Variants in PPFIBP1 observed in about 807,000 individuals in gnomAD.
PPFIBP1 encodes the protein PPFIB scaffold protein 1, also known as liprin-beta-1.
A neutral mutation model predicts 137.8 loss-of-function variants in PPFIBP1; 112 were observed. The ratio of observed to expected loss-of-function variants is 0.81; its 90% confidence interval spans 0.70 to 0.95. The LOEUF is 0.95. PPFIBP1 is among the 40% of genes least tolerant of loss of function. The pLI, the probability that PPFIBP1 is intolerant of heterozygous loss-of-function variation, is 0.00. For missense variants in PPFIBP1, 1,083 were observed against 1,196.6 expected (o/e 0.91, Z 1.40); for synonymous variants, 378 against 417.3 (o/e 0.91, Z 1.15).
intron 1 of PPFIBP1, among the ~76,000 whole-genome samples, chr12:27,552,259 G>A (rs540020397): frequency 6.6e-4 from 101 of 152,274 alleles, no homozygotes; most frequent in African/African-American, 2.4e-3. Context: ...AATGTATTGC[G>A]GGCATTTCTC....
intron 24 of PPFIBP1, among the ~76,000 whole-genome samples, chr12:27,683,676 T>C (rs1486243376): frequency 6.6e-6 from 1 of 152,252 alleles, no homozygotes; most frequent in Non-Finnish European, 1.5e-5. Flanking sequence ...ATTCCCTGCT[T>C]TACAGCAGTG....
chr12:27,614,633 G>A (rs755297335), intron 2 of PPFIBP1, among the ~76,000 whole-genome samples: 11 of 152,024 alleles, frequency 7.2e-5, no homozygotes, highest in Non-Finnish European at 1.3e-4. Context: ...AGAGAGAGCC[G>A]GTCTGCAGAT....
chr12:27,560,217 A>G (rs2049047216), intron 1 of PPFIBP1, among the ~76,000 whole-genome samples: 1 of 152,210 alleles, frequency 6.6e-6, no homozygotes, highest in South Asian at 2.1e-4. Flanking sequence ...AATTCAAATT[A>G]TTGGCTGGCT....
chr12:27,576,501 C>T (rs1203415090), intron 1 of PPFIBP1, among the ~76,000 whole-genome samples: 2 of 152,152 alleles, frequency 1.3e-5, no homozygotes, highest in African/African-American at 4.8e-5. Context: ...GTGTAGGTGC[C>T]CTTCCTTCTG....
chr12:27,549,761 A>G (rs2136173152), intron 1 of PPFIBP1, among the ~76,000 whole-genome samples: 1 of 152,264 alleles, frequency 6.6e-6, no homozygotes, highest in African/African-American at 2.4e-5. Flanking sequence ...TTGGAAAGCT[A>G]CTGAACCACT....
At chr12:27,531,898 T>G (rs1051047325) in intron 1 of PPFIBP1, among the ~76,000 whole-genome samples, 3 of 152,182 alleles carry the variant, frequency 2.0e-5, no homozygotes, top group African/African-American at 4.8e-5. Flanking sequence ...TATAAAAATT[T>G]TATTAACTAT....
intron 2 of PPFIBP1, among the ~76,000 whole-genome samples, chr12:27,607,450 A>G (rs1005099869): frequency 2.0e-5 from 3 of 152,242 alleles, no homozygotes; most frequent in Non-Finnish European, 4.4e-5. Context: ...ATTAAGAAGC[A>G]GATGTGAAAG....
chr12:27,645,530 T>C (rs74074057), intron 4 of PPFIBP1, among the ~76,000 whole-genome samples: 2,929 of 151,606 alleles, frequency 0.019, 95 homozygotes, highest in East Asian at 0.12. Flanking sequence ...GCTGGGGAGG[T>C]TACCAAACGA....
At chr12:27,573,973 C>T (rs1176932468) in intron 1 of PPFIBP1, among the ~76,000 whole-genome samples, 1 of 126,712 alleles carries the variant, frequency 7.9e-6, no homozygotes, top group Admixed American at 8.7e-5. Flanking sequence ...CAAAGTGAGA[C>T]CCTGTCTCTT....
At chr12:27,612,858 A>G (rs1205667239) in intron 2 of PPFIBP1, among the ~76,000 whole-genome samples, 2 of 152,170 alleles carry the variant, frequency 1.3e-5, no homozygotes, top group Non-Finnish European at 2.9e-5. Context: ...ATTCCAAAAT[A>G]TAAGTAATCT....
chr12:27,541,603 G>A (rs365439), intron 1 of PPFIBP1, among the ~76,000 whole-genome samples: 2,493 of 152,238 alleles, frequency 0.016, 70 homozygotes, highest in African/African-American at 0.056. Context: ...GAGTCCTGTG[G>A]GAGGACTCAT....
intron 1 of PPFIBP1, among the ~76,000 whole-genome samples, chr12:27,572,800 A>G (rs2050248838): frequency 6.6e-6 from 1 of 152,228 alleles, no homozygotes; most frequent in Non-Finnish European, 1.5e-5. Flanking sequence ...CATGAATCCC[A>G]AGCCCTCATC....
At chr12:27,576,095 G>T (rs1326207060) in intron 1 of PPFIBP1, among the ~76,000 whole-genome samples, 2 of 152,144 alleles carry the variant, frequency 1.3e-5, no homozygotes, top group Non-Finnish European at 2.9e-5. Flanking sequence ...TTTCTCTGGA[G>T]CACATTCAGG....
At chr12:27,593,939 G>C (rs1251751721) in intron 2 of PPFIBP1, 14 of 1,481,468 alleles carry the variant, frequency 9.5e-6, no homozygotes, top group Middle Eastern at 1.8e-4. Context: ...GTCCTCACAG[G>C]GGGTGTCCTC....
chr12:27,687,409 G>T lies in PPFIBP1; in HGVS notation c.2272G>T (p.Val758Leu). 6 of 1,613,952 alleles carry T rather than the reference G, an allele frequency of 3.7e-6. No homozygotes were observed. Among genetic ancestry groups the T allele is most frequent in the Non-Finnish European group, 5.1e-6 (6 of 1,179,864 alleles). The change falls in exon 25 of 30, where the codon GTA (valine) becomes TTA (leucine). Residue 758 changes from valine (V) to leucine (L), a missense_variant. Val to Leu is a conservative substitution (Grantham distance 32). Coordinates refer to ENST00000228425, the MANE Select transcript of PPFIBP1 (RefSeq NM_003622.4). ...TVDDLLSLKV[V>L]SVLHHLSIKR... ...GGATGACTTACTGTCTCTGAAGGTT[G>T]TAAGTGTGCTACACCATCTCAGTAT...
chr12:27,693,979 TA>T lies in PPFIBP1; in HGVS notation c.*1098del, dbSNP rs1437626608. The T allele has an allele frequency of 6.6e-6, 1 of 152,120 alleles. No individual in the cohort carries two copies. Among genetic ancestry groups the T allele is most frequent in the Non-Finnish European group, 1.5e-5 (1 of 68,052 alleles). The allele number at this position is 152,120 out of a possible 1,614,324, so 9.4% of individuals were successfully genotyped here. On this transcript the variant is annotated 3_prime_UTR_variant, in exon 30 of 30. Transcript: ENST00000228425. ...GCATGAGCCACCACGCCCAGCCTGTTATTTTTTTATTATTATTGTTTTTTTT... is the reference window on the plus strand; with the variant it reads ...GCATGAGCCACCACGCCCAGCCTGTTTTTTTTTATTATTATTGTTTTTTTT...
rs760915387 is a variant in PPFIBP1 at position 27,676,821 on chromosome 12, C to A, written c.1582+222C>A. 118 of 705,386 alleles carry A rather than the reference C, an allele frequency of 1.7e-4. 1 individual carries two copies. Among genetic ancestry groups the A allele is most frequent in the Non-Finnish European group, 2.8e-4 (113 of 403,044 alleles). The allele number at this position is 705,386 out of a possible 1,614,324, so 43.7% of individuals were successfully genotyped here. A position where few individuals can be genotyped will look rare whatever the true frequency, so the allele number is the denominator to read the frequency against. ...GCTCTCTCCTGTGGTATAAACTTAG[C>A]GGAAAGACCTAAAATCATGATTCCC... On this transcript the variant is annotated intron_variant, in intron 18 of 29. Transcript: ENST00000228425.
chr12:27,647,669 A>C, intron 5 of PPFIBP1, 60 bp from the exon 6 acceptor site: 5 of 988,988 alleles, frequency 5.1e-6, no homozygotes, highest in Non-Finnish European at 7.3e-6. Flanking sequence ...TAGAGAAATA[A>C]CGTATGCAGT....
At position 27,560,340 on chromosome 12, in the gene PPFIBP1, G is replaced by A. The variant is rs191569546; in HGVS notation, c.-123-17812G>A. 1.2e-3 allele frequency among the ~76,000 whole-genome samples: 187 copies of A among 152,264 alleles called. 2 individuals are homozygous for A. The highest frequency in any genetic ancestry group is 4.0e-3 in the African/African-American group (165 of 41,546). ...AATGCAAAATGAGTCTGTTTCTTTC[G>A]GTGGTTTGGATTTGGGGTTCTTTGT... is the stretch of plus-strand genomic sequence containing the variant. On this transcript the variant is annotated intron_variant, in intron 1 of 29. Coordinates refer to ENST00000228425, the MANE Select transcript of PPFIBP1 (RefSeq NM_003622.4).
Sources: gnomAD v4.1 joint callset for allele counts (sites outside exome capture counted in the v4.1 genomes callset) on GRCh38, gnomAD v4.1.1 for gene constraint, MANE v1.5 for transcripts, NCBI Gene and HGNC (gene_info 2026-07-23, HGNC 2026-07-21) for gene names.